The following BAALC variants were observed in gnomAD, a reference collection of about 807,000 sequenced individuals.
BAALC encodes the protein brain and acute leukemia cytoplasmic protein.
In BAALC, 9 loss-of-function variants were observed where a neutral mutation model predicts 15.5. The ratio of observed to expected loss-of-function variants is 0.58; its 90% CI spans 0.35 to 1.02. BAALC has a LOEUF of 1.02. BAALC is among the 50% of genes least tolerant of loss of function. BAALC has a pLI of 0.02. For missense variants in BAALC, 201 were observed against 192.4 expected (o/e 1.04, Z -0.27); for synonymous variants, 80 against 74.6 (o/e 1.07, Z -0.37).
intron 1 of BAALC, among the ~76,000 whole-genome samples, chr8:103,196,208 T>G (rs1245691461): frequency 6.6e-6 from 1 of 152,182 alleles, no homozygotes; most frequent in Admixed American, 6.5e-5. Context: ...GATCGGTATG[T>G]CTATCCCTTA....
chr8:103,171,596 G>C (rs1005868264), intron 1 of BAALC, among the ~76,000 whole-genome samples: 34 of 152,142 alleles, frequency 2.2e-4, no homozygotes, highest in Admixed American at 2.0e-3. Flanking sequence ...GGGACTTTCT[G>C]TTTTTGCAGT....
At chr8:103,205,359 T>G (rs1206492739) in intron 1 of BAALC, among the ~76,000 whole-genome samples, 1 of 152,194 alleles carries the variant, frequency 6.6e-6, no homozygotes, top group Non-Finnish European at 1.5e-5. Context: ...TTCAGTGATT[T>G]GACTTGTTTC....
At chr8:103,165,441 A>G (rs1469180423) in intron 1 of BAALC, 1 of 152,172 alleles carries the variant, frequency 6.6e-6, no homozygotes, top group Non-Finnish European at 1.5e-5. Flanking sequence ...TTATGAGCAC[A>G]AGGGGAGTAA....
intron 1 of BAALC, among the ~76,000 whole-genome samples, chr8:103,154,429 C>G (rs930177257): frequency 6.6e-6 from 1 of 152,062 alleles, no homozygotes; most frequent in Non-Finnish European, 1.5e-5. Flanking sequence ...AGTCTTCACA[C>G]CCCCAGTCAC....
chr8:103,225,585 G>C (rs1230403016), intron 2 of BAALC, among the ~76,000 whole-genome samples: 1 of 152,190 alleles, frequency 6.6e-6, no homozygotes, highest in Non-Finnish European at 1.5e-5. Context: ...CAGCGGAACA[G>C]CTGTAGTCTA....
At chr8:103,146,082 A>G (rs1810872998) in intron 1 of BAALC, among the ~76,000 whole-genome samples, 1 of 152,222 alleles carries the variant, frequency 6.6e-6, no homozygotes, top group African/African-American at 2.4e-5. Context: ...AGTTACTATT[A>G]TAGGGAAGAA....
At chr8:103,142,631 A>G (rs567020442) in intron 1 of BAALC, among the ~76,000 whole-genome samples, 1 of 152,340 alleles carries the variant, frequency 6.6e-6, no homozygotes, top group Admixed American at 6.5e-5. Context: ...AAAAACAACC[A>G]AAACCCCGTA....
intron 2 of BAALC, among the ~76,000 whole-genome samples, chr8:103,225,859 C>A (rs1812796912): frequency 6.6e-6 from 1 of 152,076 alleles, no homozygotes; most frequent in East Asian, 1.9e-4. Context: ...TAAAGGGGAT[C>A]TAGAGAGGGG....
intron 1 of BAALC, among the ~76,000 whole-genome samples, chr8:103,157,229 C>T (rs956591006): frequency 1.3e-5 from 2 of 152,102 alleles, no homozygotes; most frequent in African/African-American, 4.8e-5. Flanking sequence ...AATTCTAGAA[C>T]CCCTTAATTG....
rs751208631 is a variant in BAALC at position 103,228,029 on chromosome 8, C to T, written c.368C>T (p.Thr123Ile). 6.2e-7 allele frequency: 1 copy of T among 1,613,740 alleles called. No individual in the cohort carries two copies. The highest frequency in any genetic ancestry group is 1.1e-5 in the South Asian group (1 of 91,050). The change falls in exon 3 of 3, where the codon ACC (threonine) becomes ATC (isoleucine). Residue 123 changes from threonine (T) to isoleucine (I), a missense_variant. By Grantham distance (89) the Thr-to-Ile change is moderately conservative (BLOSUM62 -1). Transcript: ENST00000309982. ...AAGAGAATGCCTGCAAAAGAAGTCACCATTAATGTAACAGATAGCATCCAA... is the reference window on the plus strand; with the variant it reads ...AAGAGAATGCCTGCAAAAGAAGTCATCATTAATGTAACAGATAGCATCCAA... ...DAKRMPAKEV[T>I]INVTDSIQQM...
chr8:103,198,050 A>G, intron 1 of BAALC: 1 of 681,924 alleles, frequency 1.5e-6, no homozygotes, highest in South Asian at 1.6e-5. Flanking sequence ...AATATCCCAC[A>G]GTTTCTTACG....
intron 1 of BAALC, among the ~76,000 whole-genome samples, chr8:103,203,918 A>G (rs1812274892): frequency 6.6e-6 from 1 of 152,224 alleles, no homozygotes. Context: ...TTGTGTGGAT[A>G]CAGGCTTTCG....
intron 1 of BAALC, among the ~76,000 whole-genome samples, chr8:103,147,687 G>A (rs1810905318): frequency 6.6e-6 from 1 of 152,144 alleles, no homozygotes; most frequent in Non-Finnish European, 1.5e-5. Flanking sequence ...GTCTAAACCT[G>A]TTCTCGGACA....
chr8:103,210,116 T>C (rs116332657), intron 1 of BAALC, among the ~76,000 whole-genome samples: 2,546 of 152,236 alleles, frequency 0.017, 70 homozygotes, highest in African/African-American at 0.059. Flanking sequence ...GTGGTGTTCA[T>C]ACACATGCAT....
chr8:103,149,834 T>C (rs760952879), intron 1 of BAALC, among the ~76,000 whole-genome samples: 8 of 152,212 alleles, frequency 5.3e-5, no homozygotes, highest in Non-Finnish European at 8.8e-5. Flanking sequence ...AGGTAATTAC[T>C]GTAGGTGATT....
At chr8:103,187,960 A>C (rs933433856) in intron 1 of BAALC, among the ~76,000 whole-genome samples, 1 of 152,168 alleles carries the variant, frequency 6.6e-6, no homozygotes, top group East Asian at 1.9e-4. Flanking sequence ...TGAAGTTTAC[A>C]CTGTGTGTCA....
Position 103,140,874 on chromosome 8 carries a change from T to C in BAALC, c.-24T>C, listed in dbSNP as rs2129836969. The C allele has an allele frequency of 1.3e-6, 2 of 1,482,782 alleles. No individual in the cohort carries two copies. Among genetic ancestry groups the C allele is most frequent in the Admixed American group, 2.4e-5 (1 of 41,382 alleles). 91.9% of individuals were successfully genotyped at this position (1,482,782 alleles called of 1,614,324 possible). A position where few individuals can be genotyped will look rare whatever the true frequency, so the allele number is the denominator to read the frequency against. ...CCAGAGCCGACAGCCGAGCAGCCGC[T>C]GGGCGCTCCCGCGGCGCAGGAGGAT... On this transcript the variant is annotated 5_prime_UTR_variant, in exon 1 of 3. Transcript: ENST00000309982. This position sits in a 1 kb window ranked among gnomAD's most constrained non-coding sequence, Gnocchi z 4.2.
At chr8:103,149,045 A>T (rs1188180328) in intron 1 of BAALC, among the ~76,000 whole-genome samples, 1 of 152,210 alleles carries the variant, frequency 6.6e-6, no homozygotes, top group Non-Finnish European at 1.5e-5. Flanking sequence ...ATTCAGTGAG[A>T]TGAAGAGACT....
chr8:103,172,122 C>T (rs1329535716), intron 1 of BAALC: 2 of 152,216 alleles, frequency 1.3e-5, no homozygotes, highest in African/African-American at 4.8e-5. Context: ...CCTGTTCCTG[C>T]CCCTGCCTGT....
Sources: gnomAD v4.1 joint callset for allele counts (sites outside exome capture counted in the v4.1 genomes callset) on GRCh38, gnomAD v4.1.1 for gene constraint, Gnocchi (gnomAD v3.1) non-coding constraint, MANE v1.5 for transcripts, NCBI Gene and HGNC (gene_info 2026-07-23, HGNC 2026-07-21) for gene names.